Variants in DAB1 observed in about 807,000 individuals in gnomAD.
The protein encoded by DAB1 is disabled homolog 1.
In DAB1, 15 loss-of-function variants were observed where a neutral mutation model predicts 64.6. The observed-to-expected ratio is 0.23, with a 90% CI of 0.16 to 0.36. DAB1 has a LOEUF of 0.36. Among genes scored for constraint, DAB1 ranks in the 10% least tolerant of loss-of-function variants. The pLI is 1.00. For missense variants in DAB1, 596 were observed against 706.7 expected (o/e 0.84, Z 1.78); for synonymous variants, 235 against 251.9 (o/e 0.93, Z 0.64).
chr1:57,044,537 T>C (rs1648215662), intron 9 of DAB1, among the ~76,000 whole-genome samples: 1 of 152,232 alleles, frequency 6.6e-6, no homozygotes, highest in Non-Finnish European at 1.5e-5. Flanking sequence ...CTTGTTTTCC[T>C]ACTTGTTCTG....
intron 2 of DAB1, among the ~76,000 whole-genome samples, chr1:57,242,170 T>A (rs1241900418): frequency 6.6e-6 from 1 of 152,216 alleles, no homozygotes; most frequent in Non-Finnish European, 1.5e-5. Flanking sequence ...GAACACAGCA[T>A]ATTTTACAAG....
In DAB1 at chr1:58,169,709, A is replaced by G. The variant is rs145595978; in HGVS notation, n.310-19121T>C. Among the ~76,000 whole-genome samples, 137 of 152,270 alleles carry G rather than the reference A, an allele frequency of 9.0e-4. 6 individuals are homozygous for G. In the East Asian group the frequency reaches 0.022, roughly 24 times the overall value. ...GGAGGACCTCTCAGCTTACCCCCATATCCTAGCCTCCCTATAGCTCCCATT... is the reference window on the plus strand; with the variant it reads ...GGAGGACCTCTCAGCTTACCCCCATGTCCTAGCCTCCCTATAGCTCCCATT... On this transcript the variant is annotated intron_variant and non_coding_transcript_variant, in intron 4 of 20. Coordinates refer to the DAB1 transcript ENST00000485760.
At chr1:58,064,447 T>G (rs1648709202) in intron 5 of DAB1, among the ~76,000 whole-genome samples, 1 of 152,170 alleles carries the variant, frequency 6.6e-6, no homozygotes, top group Non-Finnish European at 1.5e-5. Flanking sequence ...TGTGAAGTGC[T>G]TGCTGTGTGG....
chr1:58,251,856 G>A (rs2100406280), intron 4 of DAB1, among the ~76,000 whole-genome samples: 1 of 152,234 alleles, frequency 6.6e-6, no homozygotes, highest in Non-Finnish European at 1.5e-5. Flanking sequence ...GGGCGTGGGT[G>A]GAAGGAGAGG....
At chr1:57,857,212 G>C (rs145148636) in intron 1 of DAB1, among the ~76,000 whole-genome samples, 1 of 152,304 alleles carries the variant, frequency 6.6e-6, no homozygotes, top group African/African-American at 2.4e-5. Flanking sequence ...AAAAAGGCAA[G>C]TGGGCATTGT....
chr1:57,941,805 A>T (rs1645110243), intron 5 of DAB1, among the ~76,000 whole-genome samples: 1 of 152,198 alleles, frequency 6.6e-6, no homozygotes, highest in South Asian at 2.1e-4. Context: ...ACTGCACTCC[A>T]GCCTGGGCGA....
intron 7 of DAB1, among the ~76,000 whole-genome samples, chr1:57,560,640 G>A (rs1570627321): frequency 6.6e-6 from 1 of 152,306 alleles, no homozygotes; most frequent in African/African-American, 2.4e-5. Flanking sequence ...GTTTTGAGTA[G>A]GGTCCAGAAC....
chr1:57,924,409 A>G (rs550451435), intron 5 of DAB1, among the ~76,000 whole-genome samples: 1 of 152,228 alleles, frequency 6.6e-6, no homozygotes, highest in South Asian at 2.1e-4. Flanking sequence ...ATGAAGGTGA[A>G]CCCCTGAATC....
At chr1:58,519,135 A>G (rs1646220208) in intron 2 of DAB1, among the ~76,000 whole-genome samples, 1 of 152,236 alleles carries the variant, frequency 6.6e-6, no homozygotes, top group Non-Finnish European at 1.5e-5. Context: ...GTTGAGGTAT[A>G]AGGGTCATAA....
chr1:57,132,591 T>A (rs910588486), intron 4 of DAB1, among the ~76,000 whole-genome samples: 3 of 152,154 alleles, frequency 2.0e-5, no homozygotes, highest in Non-Finnish European at 4.4e-5. Flanking sequence ...CATTTTGGAT[T>A]TTTGGATTTA....
At chr1:57,756,661 G>C (rs143578024) in intron 6 of DAB1, among the ~76,000 whole-genome samples, 1 of 150,652 alleles carries the variant, frequency 6.6e-6, no homozygotes, top group South Asian at 2.1e-4. Flanking sequence ...GGCCACTTCC[G>C]TACTGCAGGC....
At position 57,293,327 on chromosome 1, in the gene DAB1, T is replaced by C. The variant is rs556252792; in HGVS notation, c.-136-2161A>G. ...ATAGACTCTTTCCCAACTTATTTTA[T>C]GATTTGATTTTTGGACAACTTCAGT... On this transcript the variant is annotated intron_variant, in intron 1 of 14. Coordinates refer to ENST00000371236, the MANE Select transcript of DAB1 (RefSeq NM_001365792.1). 6.6e-5 allele frequency among the ~76,000 whole-genome samples: 10 copies of C among 152,318 alleles called. No homozygotes were observed. The East Asian group carries it at 1.9e-3, about 29-fold the overall frequency.
rs1394759418 is a variant in DAB1, at chr1:57,132,369, T to C, written c.306+4174A>G. On this transcript the variant is annotated intron_variant, in intron 4 of 14. Transcript: ENST00000371236. ...CACTTTGTGAGTCTGGGTTCACTAA[T>C]GAACTATGAGCATCTCAGGGGCAAG... is the stretch of plus-strand genomic sequence containing the variant. Among the ~76,000 whole-genome samples, 13 of 152,192 alleles carry C rather than the reference T, an allele frequency of 8.5e-5. No individual in the cohort carries two copies. The East Asian group carries it at 2.5e-3, about 29-fold the overall frequency.
intron 7 of DAB1, among the ~76,000 whole-genome samples, chr1:57,482,634 T>G (rs1184456279): frequency 6.6e-6 from 1 of 152,182 alleles, no homozygotes; most frequent in Non-Finnish European, 1.5e-5. Flanking sequence ...TTCACAAATT[T>G]CAAATTGTTT....
At chr1:58,501,190 G>T (rs1645901465) in intron 3 of DAB1, among the ~76,000 whole-genome samples, 1 of 152,034 alleles carries the variant, frequency 6.6e-6, no homozygotes, top group African/African-American at 2.4e-5. Context: ...TGGATCACAA[G>T]ATTATATTTA....
intron 3 of DAB1, among the ~76,000 whole-genome samples, chr1:58,405,837 A>T (rs1364343932): frequency 2.0e-5 from 3 of 152,266 alleles, no homozygotes; most frequent in African/African-American, 7.2e-5. Context: ...CTCATTTCTC[A>T]CAGTGACTGT....
At chr1:58,121,540 T>C (rs1301568481) in intron 5 of DAB1, among the ~76,000 whole-genome samples, 2 of 152,178 alleles carry the variant, frequency 1.3e-5, no homozygotes, top group Non-Finnish European at 2.9e-5. Context: ...AAAATTTGTT[T>C]CATCTTCCCA....
rs138282914 is a variant in DAB1 at position 58,190,935 on chromosome 1, AG to A, written n.310-40348del. Among the ~76,000 whole-genome samples the A allele has an allele frequency of 8.1e-3, 1,232 of 152,290 alleles. 14 individuals carry two copies. The highest frequency in any genetic ancestry group is 0.028 in the African/African-American group (1,182 of 41,562). Reference sequence around the variant, plus strand: ...TCGACTTCCCGCATGGGTGGAGGAAAGGGGACACATGCTGTGACACCCAGGC... The same window carrying A: ...TCGACTTCCCGCATGGGTGGAGGAAAGGGACACATGCTGTGACACCCAGGC... On this transcript the variant is annotated intron_variant and non_coding_transcript_variant, in intron 4 of 20. Transcript: ENST00000485760.
chr1:57,787,530 C>T (rs1390414188), intron 6 of DAB1, among the ~76,000 whole-genome samples: 3 of 151,898 alleles, frequency 2.0e-5, no homozygotes, highest in African/African-American at 7.3e-5. Flanking sequence ...AGATCACAGA[C>T]ATAAACTAAA....
Sources: gnomAD v4.1 joint callset for allele counts (sites outside exome capture counted in the v4.1 genomes callset) on GRCh38, gnomAD v4.1.1 for gene constraint, MANE v1.5 for transcripts, NCBI Gene and HGNC (gene_info 2026-07-23, HGNC 2026-07-21) for gene names.